AKAP9: variants seen among roughly 807,000 people sequenced by gnomAD.
The protein encoded by AKAP9 is A-kinase anchoring protein 9.
AKAP9 carries 311 observed loss-of-function variants against 488.5 expected under a neutral mutation model. That is an observed-to-expected ratio of 0.64 (90% CI 0.58 to 0.70). The LOEUF is 0.70. AKAP9 is among the 30% of genes least tolerant of loss of function. The pLI, the probability that AKAP9 is intolerant of heterozygous loss-of-function variation, is 0.00. For synonymous variants in AKAP9, 1,462 were observed against 1,483.5 expected (o/e 0.99, Z 0.33); for missense variants, 4,215 against 4,374.5 (o/e 0.96, Z 1.03).
chr7:92,080,423 C>T (rs980832198), intron 31 of AKAP9, among the ~76,000 whole-genome samples: 2 of 151,946 alleles, frequency 1.3e-5, no homozygotes, highest in African/African-American at 4.8e-5. Context: ...ACGGTGAAAC[C>T]CCGTCTCTAC....
At position 91,993,059 on chromosome 7, in the gene AKAP9, T is replaced by G. The variant is rs373054959; in HGVS notation, c.576+4T>G. On this transcript the variant is annotated splice_donor_region_variant and intron_variant, in intron 5 of 49. Coordinates refer to ENST00000356239, the MANE Select transcript of AKAP9 (RefSeq NM_005751.5). ...TGGGACTGAAGGACTGCAGCAGGTA[T>G]GTTTATTTTCTGTGGCTTTTGATTT... 3 of 1,614,008 alleles carry G rather than the reference T, an allele frequency of 1.9e-6. No homozygotes were observed. Among genetic ancestry groups the G allele is most frequent in the Non-Finnish European group, 2.5e-6 (3 of 1,179,906 alleles).
chr7:92,094,936 A>G (rs376733927), intron 39 of AKAP9, 87 bp from the exon 40 acceptor site: 30 of 1,220,570 alleles, frequency 2.5e-5, no homozygotes, highest in Middle Eastern at 2.5e-4. Context: ...ATATGCCTCA[A>G]CTTATCAGTA....
intron 20 of AKAP9, among the ~76,000 whole-genome samples, chr7:92,043,552 TTTCTC>T (rs1806474884): frequency 6.6e-6 from 1 of 152,192 alleles, no homozygotes; most frequent in Admixed American, 6.5e-5. Flanking sequence ...ATTTTAATCA[TTTCTC>T]TTAAGTAGAA....
intron 1 of AKAP9, among the ~76,000 whole-genome samples, chr7:91,963,484 A>T (rs28710898): frequency 0.097 from 3,380 of 34,978 alleles, 55 homozygotes; most frequent in African/African-American, 0.3. Context: ...CATATTTGTC[A>T]CACACACACA....
intron 39 of AKAP9, 125 bp downstream of exon 39, chr7:92,093,441 A>G (rs1255477712): frequency 3.4e-5 from 28 of 822,880 alleles, no homozygotes; most frequent in Non-Finnish European, 5.1e-5. Context: ...TGTTTTTTTT[A>G]GGAAAAACTA....
At chr7:92,063,979 A>G (rs1326071699) in intron 24 of AKAP9, among the ~76,000 whole-genome samples, 1 of 152,076 alleles carries the variant, frequency 6.6e-6, no homozygotes, top group Non-Finnish European at 1.5e-5. Flanking sequence ...ATGGGGTTTC[A>G]CCATGTTGGC....
intron 26 of AKAP9, among the ~76,000 whole-genome samples, chr7:92,068,365 CAAAAAAAA>C (rs77237109): frequency 4.3e-5 from 2 of 46,530 alleles, no homozygotes; most frequent in Non-Finnish European, 9.5e-5. Flanking sequence ...GACTCCGTCT[CAAAAAAAA>C]AAAAAAAAAA....
chr7:91,986,743 G>A (rs1797139836), intron 3 of AKAP9, among the ~76,000 whole-genome samples: 1 of 152,030 alleles, frequency 6.6e-6, no homozygotes, highest in Non-Finnish European at 1.5e-5. Context: ...TATCTGAGAT[G>A]CCTAGTAAAT....
At chr7:92,053,519 C>T (rs1808319455) in intron 22 of AKAP9, among the ~76,000 whole-genome samples, 1 of 152,170 alleles carries the variant, frequency 6.6e-6, no homozygotes, top group South Asian at 2.1e-4. Context: ...ATGTGGGCTC[C>T]TCCTGAAACA....
At chr7:92,053,028 G>A in intron 22 of AKAP9, 70 bp downstream of exon 22, 1 of 1,311,786 alleles carries the variant, frequency 7.6e-7, no homozygotes, top group South Asian at 1.2e-5. Context: ...TCTCGACTGA[G>A]CTAATTTTGA....
At chr7:92,060,634 A>T (rs1166670323) in intron 22 of AKAP9, among the ~76,000 whole-genome samples, 1 of 152,160 alleles carries the variant, frequency 6.6e-6, no homozygotes, top group Non-Finnish European at 1.5e-5. Flanking sequence ...TTTATGGTTA[A>T]TGTCTCTGTA....
rs989896032 is a variant in AKAP9 at position 92,042,202 on chromosome 7, C to T, written c.5058+16C>T. The T allele has an allele frequency of 1.6e-5, 26 of 1,613,282 alleles. No individual in the cohort carries two copies. The Middle Eastern group carries it at 6.6e-4, about 41-fold the overall frequency. On this transcript the variant is annotated intron_variant, in intron 19 of 49. Coordinates refer to ENST00000356239, the MANE Select transcript of AKAP9 (RefSeq NM_005751.5). ...GCAAACACAGGTAGTATGGACTTTG[C>T]CCCACCTAGGAGCAATGGATCACCA... is the stretch of plus-strand genomic sequence containing the variant.
chr7:92,078,083 A>T (rs1047960571), intron 30 of AKAP9, among the ~76,000 whole-genome samples: 1 of 151,546 alleles, frequency 6.6e-6, no homozygotes, highest in African/African-American at 2.4e-5. Context: ...TGCAACCTCC[A>T]CCTCCTAGGT....
At chr7:92,049,825 A>T (rs935579526) in intron 21 of AKAP9, among the ~76,000 whole-genome samples, 1 of 152,060 alleles carries the variant, frequency 6.6e-6, no homozygotes, top group South Asian at 2.1e-4. Flanking sequence ...GTCTATTTTT[A>T]AAAATTAGCC....
chr7:92,065,513 G>A (rs770373163), intron 25 of AKAP9, 50 bp downstream of exon 25: 56 of 1,293,132 alleles, frequency 4.3e-5, no homozygotes, highest in Non-Finnish European at 6.0e-5. Flanking sequence ...AATGTTCTTT[G>A]CTAGTATACT....
chr7:91,994,886 C>T (rs1173468303), intron 6 of AKAP9, 110 bp downstream of exon 6: 1 of 987,996 alleles, frequency 1.0e-6, no homozygotes, highest in Non-Finnish European at 1.5e-6. Context: ...CGTATTATAT[C>T]ATGTATGAAA....
intron 14 of AKAP9, among the ~76,000 whole-genome samples, chr7:92,024,730 T>A (rs1374277113): frequency 2.6e-5 from 4 of 152,200 alleles, no homozygotes; most frequent in African/African-American, 9.6e-5. Flanking sequence ...TTCTTCTAAC[T>A]GTGGCTGGCT....
chr7:92,046,901 C>T (rs1176835948), intron 21 of AKAP9, among the ~76,000 whole-genome samples: 3 of 152,198 alleles, frequency 2.0e-5, no homozygotes, highest in African/African-American at 7.2e-5. Context: ...ATGTTCTGTG[C>T]ATTACAGATG....
chr7:92,103,837 A>G (rs572485351), intron 46 of AKAP9, among the ~76,000 whole-genome samples: 3 of 152,238 alleles, frequency 2.0e-5, no homozygotes, highest in African/African-American at 7.2e-5. Context: ...AAGATAACCC[A>G]CTTTTGGTGC....
Sources: gnomAD v4.1 joint callset for allele counts (sites outside exome capture counted in the v4.1 genomes callset) on GRCh38, gnomAD v4.1.1 for gene constraint, MANE v1.5 for transcripts, NCBI Gene and HGNC (gene_info 2026-07-23, HGNC 2026-07-21) for gene names.